The following SCN2A variants were observed in gnomAD, a reference collection of about 807,000 sequenced individuals.
SCN2A encodes sodium channel protein type 2 subunit alpha.
Under a neutral mutation model 188.7 loss-of-function variants are expected in SCN2A, and 20 were observed. The observed-to-expected ratio is 0.11, with a 90% CI of 0.07 to 0.15. The LOEUF (loss-of-function observed/expected upper bound fraction) is 0.15. SCN2A is among the 10% of genes least tolerant of loss of function. SCN2A has a pLI of 1.00. For synonymous variants in SCN2A, 804 were observed against 833.1 expected (o/e 0.97, Z 0.60); for missense variants, 1,278 against 2,445.0 (o/e 0.52, Z 10.07).
At position 165,310,482 on chromosome 2, in the gene SCN2A, C is replaced by A; in HGVS notation, c.857C>A (p.Ser286Tyr). The A allele has an allele frequency of 6.2e-7, 1 of 1,613,530 alleles. No individual in the cohort carries two copies. Among genetic ancestry groups the A allele is most frequent in the African/African-American group, 1.3e-5 (1 of 75,008 alleles). Residue 286 changes from serine to tyrosine, a missense_variant, in exon 7 of 27, where the codon TCT becomes TAT. Physicochemically the swap from Ser to Tyr is moderately radical, Grantham distance 144. This residue lies in a region of SCN2A where 45 missense variants were observed against 58.1 expected (regional missense o/e 0.77). Coordinates refer to ENST00000375437, the MANE Select transcript of SCN2A (RefSeq NM_001040142.2). ...NKCLQWPPDN[S>Y]SFEINITSFF... ...TGTTTGCAATGGCCTCCAGATAATTCTTCCTTTGAAATAAATATCACTTCC... is the reference window on the plus strand; with the variant it reads ...TGTTTGCAATGGCCTCCAGATAATTATTCCTTTGAAATAAATATCACTTCC...
chr2:165,340,121 T>G (rs867763199), intron 14 of SCN2A, among the ~76,000 whole-genome samples: 104 of 152,336 alleles, frequency 6.8e-4, no homozygotes, highest in African/African-American at 2.3e-3. Flanking sequence ...TTCGATCTTA[T>G]GCCAAGTGCC....
chr2:165,308,452 G>A (rs149899167), intron 4 of SCN2A, among the ~76,000 whole-genome samples: 274 of 151,334 alleles, frequency 1.8e-3, no homozygotes, highest in African/African-American at 6.5e-3. Flanking sequence ...ATTAATTAAT[G>A]TGGAAAATGC....
At position 165,310,464 on chromosome 2, in the gene SCN2A, A is replaced by G. The variant is rs529063316; in HGVS notation, c.839A>G (p.Gln280Arg). The change falls in exon 7 of 27, where the codon CAA (glutamine) becomes CGA (arginine). Residue 280 changes from glutamine to arginine, a missense_variant. This residue lies in a region of SCN2A where 37 missense variants were observed against 154.9 expected (regional missense o/e 0.24). Coordinates refer to ENST00000375437, the MANE Select transcript of SCN2A (RefSeq NM_001040142.2). ...FMGNLRNKCL[Q>R]WPPDNSSFEI... is the part of the protein sequence containing the mutation. ...GGCAACCTACGAAATAAATGTTTGCAATGGCCTCCAGATAATTCTTCCTTT... is the reference window on the plus strand; with the variant it reads ...GGCAACCTACGAAATAAATGTTTGCGATGGCCTCCAGATAATTCTTCCTTT... The G allele has an allele frequency of 6.2e-7, 1 of 1,613,662 alleles. No homozygotes were observed. Among genetic ancestry groups the G allele is most frequent in the East Asian group, 2.2e-5 (1 of 44,868 alleles).
chr2:165,258,546 G>T (rs544319291), intron 1 of SCN2A, among the ~76,000 whole-genome samples: 2 of 152,288 alleles, frequency 1.3e-5, no homozygotes, highest in South Asian at 2.1e-4. Context: ...AGAACTTAAA[G>T]AAGAATAACC....
At chr2:165,387,957 C>A (rs1701957379) in intron 26 of SCN2A, among the ~76,000 whole-genome samples, 1 of 152,058 alleles carries the variant, frequency 6.6e-6, no homozygotes, top group African/African-American at 2.4e-5. Context: ...CCTCAGCTCT[C>A]CAATCTCTGG....
intron 16 of SCN2A, among the ~76,000 whole-genome samples, chr2:165,350,586 C>T (rs1031155604): frequency 6.8e-6 from 1 of 147,390 alleles, no homozygotes; most frequent in African/African-American, 2.5e-5. Context: ...CATTCTCCTG[C>T]CTCAGCCTCC....
chr2:165,319,008 A>G (rs1242030354), intron 11 of SCN2A, among the ~76,000 whole-genome samples: 4 of 152,212 alleles, frequency 2.6e-5, no homozygotes, highest in South Asian at 2.1e-4. Context: ...ACAAGAGGAG[A>G]GATGACTTCT....
chr2:165,333,486 C>A (rs1004074958), intron 14 of SCN2A, among the ~76,000 whole-genome samples: 1 of 151,220 alleles, frequency 6.6e-6, no homozygotes, highest in African/African-American at 2.4e-5. Flanking sequence ...AATTAGAAAC[C>A]AATAACAAGT....
chr2:165,376,419 G>T (rs911028481), intron 22 of SCN2A, among the ~76,000 whole-genome samples: 5 of 151,816 alleles, frequency 3.3e-5, no homozygotes, highest in Non-Finnish European at 5.9e-5. Context: ...ATATAAAAAT[G>T]ATATAATACT....
rs564871110 is a variant in SCN2A at position 165,326,683 on chromosome 2, G to A, written c.2017-169G>A. Among the ~76,000 whole-genome samples the A allele has an allele frequency of 7.3e-4, 111 of 152,232 alleles. 2 individuals carry two copies. In the South Asian group the frequency reaches 0.021, roughly 29 times the overall value. On this transcript the variant is annotated intron_variant, in intron 12 of 26. Transcript: ENST00000375437. ...CTCCCCAAAAGCTGAAAATCTGACA[G>A]ACTTTTAAACAACCCCCAAAGAATT...
At chr2:165,254,754 CT>C (rs1362478209) in intron 1 of SCN2A, among the ~76,000 whole-genome samples, 1 of 151,782 alleles carries the variant, frequency 6.6e-6, no homozygotes, top group East Asian at 1.9e-4. Context: ...CTTTTCATCT[CT>C]CAAAAGCTAA....
intron 1 of SCN2A, among the ~76,000 whole-genome samples, chr2:165,242,072 A>G (rs1459540793): frequency 6.6e-6 from 1 of 152,168 alleles, no homozygotes; most frequent in Admixed American, 6.5e-5. Flanking sequence ...AGTAAAAGTA[A>G]GGATAATGAA....
At chr2:165,376,618 G>A (rs994571125) in intron 22 of SCN2A, among the ~76,000 whole-genome samples, 2 of 151,892 alleles carry the variant, frequency 1.3e-5, no homozygotes, top group Non-Finnish European at 2.9e-5. Context: ...TTGTTACTGG[G>A]AGTTTAATCT....
chr2:165,323,592 G>A, intron 12 of SCN2A, 92 bp downstream of exon 12: 4 of 1,237,956 alleles, frequency 3.2e-6, no homozygotes, highest in Non-Finnish European at 4.6e-6. Flanking sequence ...AGAATTTGTT[G>A]AGTTTGTTGC....
intron 1 of SCN2A, chr2:165,294,038 AGAT>A (rs1696360937): frequency 1.3e-6 from 1 of 799,586 alleles, no homozygotes; most frequent in Non-Finnish European, 1.5e-6. Context: ...AAAAAAAAAA[AGAT>A]TTTTTTTTTT....
At position 165,344,741 on chromosome 2, in the gene SCN2A, G is replaced by A; in HGVS notation, c.2749G>A (p.Asp917Asn). The A allele has an allele frequency of 6.2e-7, 1 of 1,614,140 alleles. No homozygotes were observed. The highest frequency in any genetic ancestry group is 8.5e-7 in the Non-Finnish European group (1 of 1,180,020). The change falls in exon 16 of 27, where the codon GAT becomes AAT. Residue 917 changes from aspartate (D) to asparagine (N), a missense_variant. Physicochemically the swap from Asp to Asn is conservative, Grantham distance 23. This residue lies in a region of SCN2A where 83 missense variants were observed against 256.8 expected (regional missense o/e 0.32). Coordinates refer to ENST00000375437, the MANE Select transcript of SCN2A (RefSeq NM_001040142.2). ...YKECVCKISN[D>N]CELPRWHMHD... ...AGAATGTGTCTGCAAGATTTCCAAT[G>A]ATTGTGAACTCCCACGCTGGCACAT...
At position 165,315,767 on chromosome 2, in the gene SCN2A, A is replaced by G. The variant is rs1298952012; in HGVS notation, c.1671+9A>G. 6.2e-7 allele frequency: 1 copy of G among 1,608,120 alleles called. No homozygotes were observed. Among genetic ancestry groups the G allele is most frequent in the Admixed American group, 1.7e-5 (1 of 59,566 alleles). On this transcript the variant is annotated intron_variant, in intron 11 of 26. Coordinates refer to ENST00000375437, the MANE Select transcript of SCN2A (RefSeq NM_001040142.2). ...TTTCTTCTCCACACCAGGTAAAAATATTAAATTACATGAATTGTGTTCTCA... is the reference window on the plus strand; with the variant it reads ...TTTCTTCTCCACACCAGGTAAAAATGTTAAATTACATGAATTGTGTTCTCA...
At chr2:165,371,226 G>T (rs1314135684) in intron 20 of SCN2A, 1 of 152,072 alleles carries the variant, frequency 6.6e-6, no homozygotes, top group Non-Finnish European at 1.5e-5. Context: ...AAATCTAGTT[G>T]TCCTGCAGCT....
intron 1 of SCN2A, among the ~76,000 whole-genome samples, chr2:165,256,206 T>C (rs1364672774): frequency 6.6e-6 from 1 of 152,018 alleles, no homozygotes; most frequent in Non-Finnish European, 1.5e-5. Context: ...GATTTCACCT[T>C]GTTGGTCAGG....
Sources: allele counts gnomAD v4.1 joint callset (sites outside exome capture counted in the v4.1 genomes callset), GRCh38; gene constraint gnomAD v4.1.1; regional missense constraint gnomAD v4.1.1; transcripts MANE v1.5; gene names NCBI Gene and HGNC (gene_info 2026-07-23, HGNC 2026-07-21).